Variants in NSG2 observed in about 807,000 individuals in gnomAD.
NSG2 encodes the protein neuronal vesicle trafficking-associated protein 2.
A neutral mutation model predicts 16.9 loss-of-function variants in NSG2; 4 were observed. The observed-to-expected ratio is 0.24, with a 90% confidence interval of 0.12 to 0.54. The LOEUF (loss-of-function observed/expected upper bound fraction) is 0.54. Ranked by LOEUF, NSG2 falls within the 20% of genes least tolerant of loss-of-function variation. The pLI, the probability that NSG2 is intolerant of heterozygous loss-of-function variation, is 0.95. For synonymous variants in NSG2, 98 were observed against 88.7 expected, an observed-to-expected ratio of 1.11 and a Z score of -0.59; for missense variants, 179 against 221.1, an observed-to-expected ratio of 0.81 and a Z score of 1.21.
At chr5:174,053,371 G>A (rs1581216954) in intron 2 of NSG2, among the ~76,000 whole-genome samples, 2 of 152,156 alleles carry the variant, frequency 1.3e-5, no homozygotes, top group East Asian at 3.9e-4. Context: ...GGAGCATGCT[G>A]AGAAGGATGG....
intron 2 of NSG2, among the ~76,000 whole-genome samples, chr5:174,055,284 C>G (rs1387472834): frequency 6.6e-6 from 1 of 152,172 alleles, no homozygotes; most frequent in South Asian, 2.1e-4. Context: ...TTGCCCCATG[C>G]TATGCATTGC....
At chr5:174,099,302 A>C (rs1421017143) in intron 3 of NSG2, among the ~76,000 whole-genome samples, 1 of 152,100 alleles carries the variant, frequency 6.6e-6, no homozygotes, top group Non-Finnish European at 1.5e-5. Flanking sequence ...TCACCAGTGG[A>C]ACTCGCCGGC....
At chr5:174,046,979 C>T (rs1225131160) in intron 2 of NSG2, 95 bp downstream of exon 2, 3 of 1,252,294 alleles carry the variant, frequency 2.4e-6, no homozygotes, top group East Asian at 2.4e-5. Context: ...TCCTTTCATT[C>T]TCTTATCTGC....
intron 3 of NSG2, among the ~76,000 whole-genome samples, chr5:174,074,125 G>C (rs1271397514): frequency 6.6e-6 from 1 of 152,136 alleles, no homozygotes; most frequent in Admixed American, 6.5e-5. Flanking sequence ...GTGGAAAGGC[G>C]ATATGGAAGA....
intron 3 of NSG2, among the ~76,000 whole-genome samples, chr5:174,093,769 ATTGCTTTGAAGTTTCCAGGGT>A (rs1760754959): frequency 6.6e-6 from 1 of 152,090 alleles, no homozygotes; most frequent in South Asian, 2.1e-4. Context: ...GAGTGGTTCT[ATTGCTTTGAAGTTTCCAGGGT>A]TTGCATTCTT....
intron 3 of NSG2, among the ~76,000 whole-genome samples, chr5:174,103,559 A>G (rs1453476499): frequency 1.3e-5 from 2 of 152,194 alleles, no homozygotes; most frequent in South Asian, 2.1e-4. Flanking sequence ...GATGTAAAGC[A>G]GGAAGCACTG....
At chr5:174,106,205 G>T (rs577822875) in intron 4 of NSG2, among the ~76,000 whole-genome samples, 1 of 152,170 alleles carries the variant, frequency 6.6e-6, no homozygotes, top group East Asian at 1.9e-4. Context: ...AGGGATGGAC[G>T]CAAGGCTTCT....
At chr5:174,098,399 G>A (rs973433970) in intron 3 of NSG2, among the ~76,000 whole-genome samples, 2 of 151,816 alleles carry the variant, frequency 1.3e-5, no homozygotes, top group African/African-American at 4.9e-5. Context: ...GCCCTAGGGG[G>A]CTGGACCCTG....
intron 3 of NSG2, among the ~76,000 whole-genome samples, chr5:174,075,995 C>G (rs529384915): frequency 1.3e-4 from 20 of 152,334 alleles, no homozygotes; most frequent in African/African-American, 2.9e-4. Flanking sequence ...GATCATCATT[C>G]ATTCATTCTA....
At chr5:174,106,148 A>T (rs571707312) in intron 4 of NSG2, among the ~76,000 whole-genome samples, 1 of 152,194 alleles carries the variant, frequency 6.6e-6, no homozygotes, top group Non-Finnish European at 1.5e-5. Flanking sequence ...AAAGAAATTC[A>T]GGAAGGATAC....
intron 2 of NSG2, among the ~76,000 whole-genome samples, chr5:174,059,089 T>A (rs1023190229): frequency 1.3e-5 from 2 of 152,216 alleles, no homozygotes; most frequent in African/African-American, 2.4e-5. Flanking sequence ...CTCTGCCTAA[T>A]TTCAGTACCC....
At chr5:174,071,439 A>T (rs1760239821) in intron 3 of NSG2, among the ~76,000 whole-genome samples, 1 of 152,216 alleles carries the variant, frequency 6.6e-6, no homozygotes. Context: ...GTGAGCTGAG[A>T]TCGCACCACT....
At chr5:174,073,069 C>T (rs1036146212) in intron 3 of NSG2, among the ~76,000 whole-genome samples, 10 of 152,190 alleles carry the variant, frequency 6.6e-5, no homozygotes, top group African/African-American at 1.9e-4. Context: ...AACTCCACAT[C>T]GATCACATCA....
At chr5:174,067,033 A>AGT (rs1302165164) in intron 3 of NSG2, among the ~76,000 whole-genome samples, 1 of 150,808 alleles carries the variant, frequency 6.6e-6, no homozygotes, top group Admixed American at 6.6e-5. Flanking sequence ...ATGGCTGTGA[A>AGT]GTGCAATAAT....
chr5:174,062,929 C>A (rs1208587245), intron 2 of NSG2, among the ~76,000 whole-genome samples: 1 of 152,126 alleles, frequency 6.6e-6, no homozygotes, highest in Non-Finnish European at 1.5e-5. Context: ...TAATTTGAGC[C>A]ATAATGGGAA....
intron 3 of NSG2, among the ~76,000 whole-genome samples, chr5:174,067,285 C>T (rs949219940): frequency 9.9e-5 from 15 of 152,132 alleles, no homozygotes; most frequent in South Asian, 4.1e-4. Flanking sequence ...CCTATGGCTC[C>T]GAGAGGTGAC....
intron 3 of NSG2, among the ~76,000 whole-genome samples, chr5:174,071,423 C>A (rs2113444016): frequency 1.3e-5 from 2 of 152,238 alleles, no homozygotes; most frequent in East Asian, 3.9e-4. Context: ...AGAGGTGCGG[C>A]TTGCAGTGAG....
Position 174,104,216 on chromosome 5 carries a change from G to A in NSG2, c.214-12G>A, listed in dbSNP as rs768654994. 1.2e-6 allele frequency: 2 copies of A among 1,603,524 alleles called. No individual in the cohort carries two copies. Among genetic ancestry groups the A allele is most frequent in the Admixed American group, 3.3e-5 (2 of 59,988 alleles). ...GACTGAGGCTGGATGACTTAATTTT[G>A]TATTCCTCCAGGTCACCATCCTTGT... On this transcript the variant is annotated splice_polypyrimidine_tract_variant and intron_variant, in intron 3 of 4. Coordinates refer to ENST00000303177, the MANE Select transcript of NSG2 (RefSeq NM_015980.5).
At chr5:174,051,337 G>C (rs1258300948) in intron 2 of NSG2, among the ~76,000 whole-genome samples, 1 of 152,050 alleles carries the variant, frequency 6.6e-6, no homozygotes, top group Admixed American at 6.5e-5. Flanking sequence ...ATACTCCCCA[G>C]GATGTTCCAT....
Sources: gnomAD v4.1 joint callset for allele counts (sites outside exome capture counted in the v4.1 genomes callset) on GRCh38, gnomAD v4.1.1 for gene constraint, MANE v1.5 for transcripts, NCBI Gene and HGNC (gene_info 2026-07-23, HGNC 2026-07-21) for gene names.